Variants in CCDC171 observed in about 807,000 individuals in gnomAD.
CCDC171 encodes the protein coiled-coil domain containing 171, also known as coiled-coil domain-containing protein 171.
Under a neutral mutation model 168.2 loss-of-function variants are expected in CCDC171, and 177 were observed. That is an observed-to-expected ratio of 1.05 (90% confidence interval 0.93 to 1.19). CCDC171 has a LOEUF of 1.19. Among genes scored for constraint, CCDC171 ranks in the 50% most tolerant of loss-of-function variants. CCDC171 has a pLI of 0.00. For synonymous variants in CCDC171, 687 were observed against 540.8 expected (o/e 1.27, Z -3.75); for missense variants, 1,991 against 1,539.0 (o/e 1.29, Z -4.91).
intron 25 of CCDC171, among the ~76,000 whole-genome samples, chr9:15,962,275 A>G (rs1028971952): frequency 1.3e-5 from 2 of 152,202 alleles, no homozygotes; most frequent in Middle Eastern, 3.2e-3. Flanking sequence ...GTTATCCAAA[A>G]GTTTATAACT....
intron 6 of CCDC171, among the ~76,000 whole-genome samples, chr9:16,025,279 TA>T (rs1300350751): frequency 6.6e-6 from 1 of 152,050 alleles, no homozygotes; most frequent in East Asian, 1.9e-4. Flanking sequence ...CTGTCTCTAC[TA>T]AAAATACAAA....
intron 2 of CCDC171, among the ~76,000 whole-genome samples, chr9:15,567,493 A>G (rs2039844383): frequency 6.6e-6 from 1 of 152,146 alleles, no homozygotes; most frequent in Admixed American, 6.5e-5. Context: ...TGGGGTTTTA[A>G]TAGGGATTAT....
chr9:15,682,222 C>G (rs565005963), intron 10 of CCDC171, among the ~76,000 whole-genome samples: 2 of 152,032 alleles, frequency 1.3e-5, no homozygotes, highest in South Asian at 4.1e-4. Context: ...GTTAGTACAG[C>G]ATAGCCTTAT....
intron 5 of CCDC171, among the ~76,000 whole-genome samples, chr9:15,592,379 C>T (rs930404821): frequency 1.1e-4 from 17 of 151,688 alleles, no homozygotes; most frequent in African/African-American, 2.9e-4. Flanking sequence ...GAAAAAAAAA[C>T]GGTGATAAAA....
chr9:15,914,776 T>C (rs1824255935), intron 24 of CCDC171, among the ~76,000 whole-genome samples: 2 of 152,114 alleles, frequency 1.3e-5, no homozygotes, highest in African/African-American at 4.8e-5. Context: ...GCCCTTGTGA[T>C]GTAGGTACCC....
chr9:16,020,450 T>C (rs2133018832), intron 3 of CCDC171: 1 of 153,162 alleles, frequency 6.5e-6, no homozygotes. Flanking sequence ...ATGAAGAAAT[T>C]GTAGAAGATT....
intron 3 of CCDC171, among the ~76,000 whole-genome samples, chr9:15,980,057 A>G (rs1193540781): frequency 6.6e-6 from 1 of 152,164 alleles, no homozygotes; most frequent in African/African-American, 2.4e-5. Context: ...GCAAAACTTA[A>G]TAAGGACTTG....
Position 15,591,463 on chromosome 9 carries a change from T to C in CCDC171, c.450T>C (p.His150=), listed in dbSNP as rs144118325. ...KWKEECRRFE[H]DLEERDNMIQ... ...AAGAAGAATGCAGAAGATTTGAACA[T>C]GATTTGGAGGAAAGAGACAATATGA... The change falls in exon 5 of 26, where the codon CAT becomes CAC. Residue 150 remains histidine, a synonymous_variant. Transcript: ENST00000380701. The C allele has an allele frequency of 2.3e-4, 372 of 1,608,512 alleles. 2 individuals carry two copies. The highest frequency in any genetic ancestry group is 2.1e-4 in the Non-Finnish European group (253 of 1,176,902).
In CCDC171 at chr9:15,777,642, C is replaced by T. The variant is rs201932972; in HGVS notation, c.2714C>T (p.Ala905Val). Reference protein sequence around the residue: ...RICGHLLIGAAKNSFAKLMDK... With the variant: ...RICGHLLIGAVKNSFAKLMDK... ...TGTGGACATTTACTCATAGGTGCAG[C>T]CAAGAATTCTTTTGCAAAACTCATG... Residue 905 changes from alanine (A) to valine (V), a missense_variant, in exon 19 of 26, where the codon GCC (alanine) becomes GTC (valine). Transcript: ENST00000380701. The T allele has an allele frequency of 1.2e-6, 2 of 1,613,688 alleles. No homozygotes were observed. The highest frequency in any genetic ancestry group is 1.7e-6 in the Non-Finnish European group (2 of 1,179,916).
intron 11 of CCDC171, among the ~76,000 whole-genome samples, chr9:15,705,735 T>G (rs1366596100): frequency 1.3e-5 from 2 of 152,188 alleles, no homozygotes; most frequent in Non-Finnish European, 2.9e-5. Context: ...ATATGGAACA[T>G]TTATTATTAT....
chr9:15,830,260 T>C (rs1429017932), intron 21 of CCDC171, among the ~76,000 whole-genome samples: 1 of 152,210 alleles, frequency 6.6e-6, no homozygotes, highest in Non-Finnish European at 1.5e-5. Flanking sequence ...AAGTAAGACA[T>C]GAAAGACTCA....
intron 11 of CCDC171, among the ~76,000 whole-genome samples, chr9:15,714,106 C>G (rs1188829595): frequency 1.3e-5 from 2 of 152,092 alleles, no homozygotes; most frequent in African/African-American, 4.8e-5. Flanking sequence ...TCTGTAAGAT[C>G]CATCTGTATT....
chr9:16,059,901 G>C (rs2133084866), intron 1 of CCDC171, among the ~76,000 whole-genome samples: 1 of 152,204 alleles, frequency 6.6e-6, no homozygotes, highest in African/African-American at 2.4e-5. Context: ...ACTGGTGGTA[G>C]AATGATGGAG....
intron 23 of CCDC171, among the ~76,000 whole-genome samples, chr9:15,850,595 G>T (rs1302452592): frequency 6.6e-6 from 1 of 151,922 alleles, no homozygotes; most frequent in Admixed American, 6.6e-5. Flanking sequence ...TTAAAGTTAT[G>T]AATTACTTTT....
intron 24 of CCDC171, among the ~76,000 whole-genome samples, chr9:15,897,146 G>A (rs1197611782): frequency 6.6e-6 from 1 of 151,976 alleles, no homozygotes; most frequent in African/African-American, 2.4e-5. Context: ...CAGGATTTGG[G>A]ATATCACTGT....
At chr9:15,959,029 A>G (rs754438378) in intron 25 of CCDC171, among the ~76,000 whole-genome samples, 2 of 152,148 alleles carry the variant, frequency 1.3e-5, no homozygotes, top group Admixed American at 6.6e-5. Context: ...TGAGTTTATG[A>G]GGATCAGGGT....
chr9:15,832,905 G>A (rs759705664), intron 21 of CCDC171, among the ~76,000 whole-genome samples: 5 of 150,866 alleles, frequency 3.3e-5, no homozygotes, highest in Non-Finnish European at 7.4e-5. Flanking sequence ...ATGAATACGC[G>A]TTAGCCTAGC....
chr9:15,754,253 C>A (rs988621237), intron 18 of CCDC171, among the ~76,000 whole-genome samples: 1 of 151,924 alleles, frequency 6.6e-6, no homozygotes, highest in Non-Finnish European at 1.5e-5. Flanking sequence ...TTAAACAAAG[C>A]GGATTTGATT....
chr9:15,822,903 C>T (rs550012751), intron 21 of CCDC171, among the ~76,000 whole-genome samples: 1 of 152,180 alleles, frequency 6.6e-6, no homozygotes, highest in East Asian at 1.9e-4. Context: ...TATTGTGGCA[C>T]TATTCACAAT....
Sources: gnomAD v4.1 joint callset for allele counts (sites outside exome capture counted in the v4.1 genomes callset) on GRCh38, gnomAD v4.1.1 for gene constraint, MANE v1.5 for transcripts, NCBI Gene and HGNC (gene_info 2026-07-23, HGNC 2026-07-21) for gene names.